Variants in UVRAG observed in about 807,000 individuals in gnomAD.
UVRAG encodes UV radiation resistance-associated gene protein.
Under a neutral mutation model 78.0 loss-of-function variants are expected in UVRAG, and 19 were observed. The ratio of observed to expected loss-of-function variants is 0.24; its 90% CI spans 0.17 to 0.36. The LOEUF (loss-of-function observed/expected upper bound fraction) is 0.36, where lower values mean the gene tolerates loss of function less well. Ranked by LOEUF, UVRAG falls within the 10% of genes least tolerant of loss-of-function variation. The pLI, the probability that UVRAG is intolerant of heterozygous loss-of-function variation, is 1.00. For missense variants in UVRAG, 740 were observed against 853.8 expected (o/e 0.87, Z 1.66); for synonymous variants, 323 against 324.6 (o/e 1.00, Z 0.05).
chr11:75,895,119 A>G (rs1450744725), intron 5 of UVRAG, among the ~76,000 whole-genome samples: 1 of 152,240 alleles, frequency 6.6e-6, no homozygotes, highest in Non-Finnish European at 1.5e-5. Context: ...AGTTACCCTT[A>G]GGAAGCAATG....
chr11:75,951,324 AATGT>A (rs1948693676), intron 6 of UVRAG, among the ~76,000 whole-genome samples: 1 of 76,520 alleles, frequency 1.3e-5, no homozygotes, highest in South Asian at 4.1e-4. Flanking sequence ...TATAATCTGA[AATGT>A]GTGTGTGTGT....
chr11:76,142,401 C>T lies in UVRAG; in HGVS notation c.*988C>T, dbSNP rs976571472. 5 of 152,440 alleles carry T rather than the reference C, an allele frequency of 3.3e-5. No individual in the cohort carries two copies. In the East Asian group the frequency reaches 5.8e-4, roughly 18 times the overall value. 9.4% of individuals were successfully genotyped at this position (152,440 alleles called of 1,614,324 possible). On this transcript the variant is annotated 3_prime_UTR_variant, in exon 15 of 15. Coordinates refer to ENST00000356136, the MANE Select transcript of UVRAG (RefSeq NM_003369.4). The stretch of plus-strand genomic sequence containing the variant: ...AGAGTTGGGGTGTCTGGTAGGCAAA[C>T]TGCAAGGCAGTTGAGATAGTTGGAT...
chr11:76,129,472 G>A (rs1473797476), intron 14 of UVRAG, among the ~76,000 whole-genome samples: 1 of 152,116 alleles, frequency 6.6e-6, no homozygotes, highest in Non-Finnish European at 1.5e-5. Context: ...TATTCTAAGT[G>A]GAGATAAGTT....
intron 5 of UVRAG, among the ~76,000 whole-genome samples, chr11:75,904,088 A>G (rs1389010199): frequency 6.6e-6 from 1 of 152,250 alleles, no homozygotes; most frequent in Non-Finnish European, 1.5e-5. Flanking sequence ...TAAAGAAAAA[A>G]TAAGACTATG....
At chr11:76,076,564 G>T (rs1487639129) in intron 13 of UVRAG, among the ~76,000 whole-genome samples, 1 of 152,136 alleles carries the variant, frequency 6.6e-6, no homozygotes, top group African/African-American at 2.4e-5. Flanking sequence ...TTCAAGATGA[G>T]ATTTGGGTGG....
chr11:76,015,539 G>A (rs1022861546), intron 11 of UVRAG, among the ~76,000 whole-genome samples: 1 of 152,062 alleles, frequency 6.6e-6, no homozygotes, highest in Non-Finnish European at 1.5e-5. Flanking sequence ...AACATTGTTA[G>A]TGAATGAATG....
Position 75,835,995 on chromosome 11 carries a change from G to T in UVRAG, c.118-15888G>T, listed in dbSNP as rs1041468747. Among the ~76,000 whole-genome samples the T allele has an allele frequency of 3.9e-5, 6 of 152,058 alleles. No homozygotes were observed. In the East Asian group the frequency reaches 5.8e-4, roughly 15 times the overall value. ...GTGCGCCTGTAGTCCCAGCTACTTG[G>T]GAGGCTGAGGCAGGAGAATCGCTTG... On this transcript the variant is annotated intron_variant, in intron 1 of 14. Transcript: ENST00000356136.
chr11:76,140,678 C>T (rs1308489059), intron 14 of UVRAG, 33 bp from the exon 15 acceptor site: 1 of 1,534,962 alleles, frequency 6.5e-7, no homozygotes, highest in Non-Finnish European at 8.7e-7. Context: ...TTCTGAAGTC[C>T]AAAGTAACTT....
rs1224473402 is a variant in UVRAG at position 76,143,855 on chromosome 11, T to C, written c.*2442T>C. Among the ~76,000 whole-genome samples the C allele has an allele frequency of 2.6e-5, 4 of 152,262 alleles. No individual in the cohort carries two copies. The highest frequency in any genetic ancestry group is 4.8e-5 in the African/African-American group (2 of 41,472). On this transcript the variant is annotated 3_prime_UTR_variant, in exon 15 of 15. Transcript: ENST00000356136. Reference sequence around the variant, plus strand: ...AAGAAAATTGTTTGCTTGGAAGATATAAGTTGAATTGGAAACTCATTACTA... The same window carrying C: ...AAGAAAATTGTTTGCTTGGAAGATACAAGTTGAATTGGAAACTCATTACTA...
At chr11:75,914,060 A>G (rs941001666) in intron 6 of UVRAG, 6 of 152,236 alleles carry the variant, frequency 3.9e-5, no homozygotes, top group Admixed American at 1.3e-4. Context: ...ACTATTTATC[A>G]ACCAAATTTA....
At chr11:75,891,237 A>G (rs1054710891) in intron 5 of UVRAG, among the ~76,000 whole-genome samples, 8 of 152,252 alleles carry the variant, frequency 5.3e-5, no homozygotes, top group African/African-American at 1.9e-4. Context: ...TATAAATAAT[A>G]TTGAATTCCC....
chr11:76,091,900 A>T (rs576133403), intron 13 of UVRAG, among the ~76,000 whole-genome samples: 1 of 151,978 alleles, frequency 6.6e-6, no homozygotes, highest in Non-Finnish European at 1.5e-5. Context: ...TTTGTTACAT[A>T]TGTATACATG....
intron 6 of UVRAG, chr11:75,916,051 T>G (rs1947845385): frequency 6.6e-6 from 1 of 152,264 alleles, no homozygotes; most frequent in Non-Finnish European, 1.5e-5. Flanking sequence ...TTCAAAGAGA[T>G]AACTCTGTTA....
intron 13 of UVRAG, among the ~76,000 whole-genome samples, chr11:76,078,103 C>T (rs757365134): frequency 1.3e-5 from 2 of 152,118 alleles, no homozygotes; most frequent in African/African-American, 4.8e-5. Flanking sequence ...GATTAAGCAT[C>T]ATGAAATGAA....
At chr11:75,998,075 A>G (rs1032251712) in intron 8 of UVRAG, among the ~76,000 whole-genome samples, 39 of 152,284 alleles carry the variant, frequency 2.6e-4, no homozygotes, top group African/African-American at 9.4e-4. Flanking sequence ...ACCTACCCCA[A>G]ATAAAATCCC....
intron 13 of UVRAG, among the ~76,000 whole-genome samples, chr11:76,113,411 T>C (rs1952118435): frequency 6.6e-6 from 1 of 152,128 alleles, no homozygotes; most frequent in South Asian, 2.1e-4. Context: ...ATGATGTCTC[T>C]AACTGGAGGG....
intron 13 of UVRAG, among the ~76,000 whole-genome samples, chr11:76,102,786 T>G (rs1261046260): frequency 1.3e-5 from 2 of 152,184 alleles, no homozygotes; most frequent in Non-Finnish European, 2.9e-5. Flanking sequence ...GAAGGGATGT[T>G]GAATTTTATC....
At chr11:76,051,858 T>C (rs1950875713) in intron 12 of UVRAG, among the ~76,000 whole-genome samples, 1 of 152,212 alleles carries the variant, frequency 6.6e-6, no homozygotes, top group Non-Finnish European at 1.5e-5. Flanking sequence ...CTCCTCTTTT[T>C]GTTCTTCCAT....
chr11:75,989,247 G>A (rs984761609), intron 8 of UVRAG, among the ~76,000 whole-genome samples: 4 of 151,974 alleles, frequency 2.6e-5, no homozygotes, highest in Non-Finnish European at 5.9e-5. Context: ...CAGAGACGTG[G>A]TTTCACCATG....
Sources: allele counts gnomAD v4.1 joint callset (sites outside exome capture counted in the v4.1 genomes callset), GRCh38; gene constraint gnomAD v4.1.1; transcripts MANE v1.5; gene names NCBI Gene and HGNC (gene_info 2026-07-23, HGNC 2026-07-21).